AMPH: variants seen among roughly 807,000 people sequenced by gnomAD.
AMPH encodes amphiphysin (Stiff-Mann syndrome with breast cancer 128kD autoantigen).
Under a neutral mutation model 99.1 loss-of-function variants are expected in AMPH, and 49 were observed. The observed-to-expected ratio is 0.49, with a 90% CI of 0.39 to 0.63. AMPH has a LOEUF of 0.63. Ranked by LOEUF, AMPH falls within the 20% of genes least tolerant of loss-of-function variation. The pLI, the probability that AMPH is intolerant of heterozygous loss-of-function variation, is 0.00. For missense variants in AMPH, 759 were observed against 863.4 expected, an observed-to-expected ratio of 0.88 and a Z score of 1.52; for synonymous variants, 314 against 317.3, an observed-to-expected ratio of 0.99 and a Z score of 0.11.
chr7:38,385,636 T>C (rs994895578), intron 20 of AMPH, among the ~76,000 whole-genome samples: 3 of 152,228 alleles, frequency 2.0e-5, no homozygotes, highest in Non-Finnish European at 4.4e-5. Context: ...TCCTATATCC[T>C]TTATAAATTA....
chr7:38,435,115 G>T (rs983109341), intron 12 of AMPH, among the ~76,000 whole-genome samples: 3 of 152,162 alleles, frequency 2.0e-5, no homozygotes, highest in Admixed American at 6.5e-5. Flanking sequence ...GTTAATACAG[G>T]AGGCTTCCTG....
intron 12 of AMPH, among the ~76,000 whole-genome samples, chr7:38,433,367 G>A (rs953720975): frequency 6.6e-6 from 1 of 152,130 alleles, no homozygotes; most frequent in East Asian, 1.9e-4. Flanking sequence ...TTTGTACATG[G>A]ATCTAATATA....
intron 11 of AMPH, among the ~76,000 whole-genome samples, chr7:38,456,172 C>T (rs945822679): frequency 2.6e-5 from 4 of 152,198 alleles, no homozygotes; most frequent in Non-Finnish European, 5.9e-5. Context: ...CTTGCAGACA[C>T]TTTGTGGACA....
At chr7:38,583,839 C>T (rs898046228) in intron 1 of AMPH, among the ~76,000 whole-genome samples, 11 of 152,326 alleles carry the variant, frequency 7.2e-5, no homozygotes, top group Middle Eastern at 6.8e-3. Context: ...CCCACCAAGT[C>T]CTATAATCTT....
At chr7:38,435,842 C>G (rs1786238630) in intron 12 of AMPH, among the ~76,000 whole-genome samples, 1 of 152,144 alleles carries the variant, frequency 6.6e-6, no homozygotes, top group Admixed American at 6.5e-5. Context: ...TTCTGCTGGC[C>G]CGTGCTTTCA....
At chr7:38,426,911 T>G in intron 15 of AMPH, 43 bp downstream of exon 15, 1 of 1,587,578 alleles carries the variant, frequency 6.3e-7, no homozygotes, top group Non-Finnish European at 8.6e-7. Flanking sequence ...AAAATGTGCA[T>G]CATTCTCAGC....
chr7:38,409,879 T>C (rs1785163850), intron 17 of AMPH, among the ~76,000 whole-genome samples: 1 of 152,252 alleles, frequency 6.6e-6, no homozygotes, highest in East Asian at 1.9e-4. Context: ...CAGATCAGTA[T>C]TTAAAGTTTT....
rs1789980543 is a variant in AMPH at position 38,521,952 on chromosome 7, G to A, written c.150+12979C>T. ...TGAGATTTCCCTCAGTGGAACAGGG[G>A]TAATTAAGGCCAAATCTACCACCCT... On this transcript the variant is annotated intron_variant, in intron 2 of 20. Coordinates refer to ENST00000356264, the MANE Select transcript of AMPH (RefSeq NM_001635.4). 2.0e-5 allele frequency among the ~76,000 whole-genome samples: 3 copies of A among 152,178 alleles called. No individual in the cohort carries two copies. In the South Asian group the frequency reaches 6.2e-4, roughly 31 times the overall value.
intron 1 of AMPH, among the ~76,000 whole-genome samples, chr7:38,610,347 AG>A (rs1562860592): frequency 2.1e-5 from 1 of 48,618 alleles, no homozygotes; most frequent in Non-Finnish European, 4.2e-5. Flanking sequence ...AGAAAAGAAA[AG>A]AAAAGAAAAG....
chr7:38,554,933 A>G (rs1791310945), intron 1 of AMPH, among the ~76,000 whole-genome samples: 1 of 152,238 alleles, frequency 6.6e-6, no homozygotes, highest in Non-Finnish European at 1.5e-5. Flanking sequence ...AAGGGGTTAC[A>G]CTTTCAATGT....
intron 3 of AMPH, 60 bp from the exon 4 acceptor site, chr7:38,494,587 T>C: frequency 6.9e-7 from 1 of 1,445,926 alleles, no homozygotes; most frequent in South Asian, 1.1e-5. Flanking sequence ...CTCTTCTCCC[T>C]TCCTCCACTT....
chr7:38,445,200 C>T (rs548042481), intron 11 of AMPH, among the ~76,000 whole-genome samples: 1 of 151,630 alleles, frequency 6.6e-6, no homozygotes, highest in Non-Finnish European at 1.5e-5. Context: ...GAATACTTTT[C>T]AACAATGGAA....
At chr7:38,422,768 A>T (rs1424531317) in intron 15 of AMPH, among the ~76,000 whole-genome samples, 1 of 152,078 alleles carries the variant, frequency 6.6e-6, no homozygotes, top group Non-Finnish European at 1.5e-5. Flanking sequence ...ACAGGCGCAC[A>T]TCACCACGCC....
At chr7:38,591,995 G>C (rs1584281737) in intron 1 of AMPH, among the ~76,000 whole-genome samples, 2 of 152,150 alleles carry the variant, frequency 1.3e-5, no homozygotes, top group East Asian at 3.9e-4. Flanking sequence ...TTAGAGCCAT[G>C]AACAGAGATT....
intron 1 of AMPH, among the ~76,000 whole-genome samples, chr7:38,555,473 C>T (rs1350932822): frequency 5.3e-5 from 8 of 152,130 alleles, no homozygotes; most frequent in Non-Finnish European, 1.2e-4. Context: ...ATAGTCCCCT[C>T]ATTGATGGTA....
chr7:38,605,841 G>T (rs923504807), intron 1 of AMPH, among the ~76,000 whole-genome samples: 1 of 152,098 alleles, frequency 6.6e-6, no homozygotes, highest in Non-Finnish European at 1.5e-5. Context: ...CTCCCAAAGT[G>T]CTGGCATTAC....
At chr7:38,496,972 A>G (rs1165373605) in intron 3 of AMPH, among the ~76,000 whole-genome samples, 2 of 152,246 alleles carry the variant, frequency 1.3e-5, no homozygotes, top group Non-Finnish European at 2.9e-5. Flanking sequence ...TAAGATTTTA[A>G]TCATCAAGAC....
In AMPH at chr7:38,394,125, C is replaced by T. The variant is rs1784596785; in HGVS notation, c.1488G>A (p.Lys496=). 1.2e-6 allele frequency: 2 copies of T among 1,614,070 alleles called. No individual in the cohort carries two copies. The highest frequency in any genetic ancestry group is 1.3e-5 in the African/African-American group (1 of 74,920). Residue 496 remains lysine (K), a synonymous_variant, in exon 18 of 21, where the codon AAG becomes AAA. Coordinates refer to ENST00000356264, the MANE Select transcript of AMPH (RefSeq NM_001635.4). ...GAPGEEAEAE[K]ATVPAGEGVS... ...CTCCTTCCCCGGCAGGGACAGTGGC[C>T]TTCTCCGCCTCTGCTTCCTCTCCTG...
chr7:38,580,043 C>T (rs555036781), intron 1 of AMPH, among the ~76,000 whole-genome samples: 1 of 152,294 alleles, frequency 6.6e-6, no homozygotes, highest in African/African-American at 2.4e-5. Flanking sequence ...ACTTCTGATG[C>T]TCACATACAT....
Sources: gnomAD v4.1 joint callset for allele counts (sites outside exome capture counted in the v4.1 genomes callset) on GRCh38, gnomAD v4.1.1 for gene constraint, MANE v1.5 for transcripts, NCBI Gene and HGNC (gene_info 2026-07-23, HGNC 2026-07-21) for gene names.